The following BAALC variants were observed in gnomAD, a reference collection of about 807,000 sequenced individuals.
BAALC encodes the protein brain and acute leukemia cytoplasmic protein.
A neutral mutation model predicts 15.5 loss-of-function variants in BAALC; 9 were observed. The observed-to-expected ratio is 0.58, with a 90% CI of 0.35 to 1.02. BAALC has a LOEUF of 1.02. Among genes scored for constraint, BAALC ranks in the 50% least tolerant of loss-of-function variants. The probability of loss-of-function intolerance (pLI) is 0.02; values close to 1 mark genes in which losing one functional copy is unlikely to be tolerated. For missense variants in BAALC, 201 were observed against 192.4 expected, an observed-to-expected ratio of 1.04 and a Z score of -0.27; for synonymous variants, 80 against 74.6, an observed-to-expected ratio of 1.07 and a Z score of -0.37.
At chr8:103,178,125 A>G (rs1328942647) in intron 1 of BAALC, among the ~76,000 whole-genome samples, 2 of 152,256 alleles carry the variant, frequency 1.3e-5, no homozygotes, top group Admixed American at 1.3e-4. Context: ...ATATCAAAGT[A>G]TATTTCTCAA....
intron 1 of BAALC, chr8:103,202,771 G>A (rs202106676): frequency 6.6e-6 from 1 of 152,240 alleles, no homozygotes; most frequent in Non-Finnish European, 1.5e-5. Context: ...ACACCCCACA[G>A]TAATTAACAT....
intron 1 of BAALC, among the ~76,000 whole-genome samples, chr8:103,176,235 A>G (rs1427247669): frequency 2.6e-5 from 4 of 152,206 alleles, no homozygotes; most frequent in African/African-American, 9.7e-5. Context: ...TCACGCATAC[A>G]TGCACACACA....
intron 1 of BAALC, among the ~76,000 whole-genome samples, chr8:103,204,858 C>T (rs1812294691): frequency 6.6e-6 from 1 of 152,314 alleles, no homozygotes; most frequent in South Asian, 2.1e-4. Context: ...CTGTCCCATT[C>T]TAGTTCATTT....
chr8:103,186,647 A>C (rs1388374212), intron 1 of BAALC, among the ~76,000 whole-genome samples: 1 of 152,124 alleles, frequency 6.6e-6, no homozygotes, highest in Non-Finnish European at 1.5e-5. Flanking sequence ...TTTGCCCAGG[A>C]AACCCCTTCC....
At chr8:103,199,522 T>C (rs1410189873) in intron 1 of BAALC, among the ~76,000 whole-genome samples, 1 of 150,978 alleles carries the variant, frequency 6.6e-6, no homozygotes, top group Admixed American at 6.6e-5. Flanking sequence ...CAAGGGATAC[T>C]AGATAATTGA....
chr8:103,210,548 G>GCT (rs1193889539), intron 1 of BAALC, among the ~76,000 whole-genome samples: 1 of 152,224 alleles, frequency 6.6e-6, no homozygotes, highest in Non-Finnish European at 1.5e-5. Context: ...CTGCCCCATG[G>GCT]CAAATAATTT....
chr8:103,170,803 G>C (rs778491766), intron 1 of BAALC, among the ~76,000 whole-genome samples: 15 of 152,178 alleles, frequency 9.9e-5, no homozygotes, highest in Non-Finnish European at 2.1e-4. Context: ...AGTGTTCTTA[G>C]AAATGGGGGC....
At chr8:103,223,505 T>C (rs1176080471) in intron 2 of BAALC, among the ~76,000 whole-genome samples, 2 of 152,228 alleles carry the variant, frequency 1.3e-5, no homozygotes, top group Non-Finnish European at 2.9e-5. Flanking sequence ...TGCAGCTAAC[T>C]GGTAGCAAAG....
chr8:103,169,351 C>T (rs931494401), intron 1 of BAALC, among the ~76,000 whole-genome samples: 1 of 152,106 alleles, frequency 6.6e-6, no homozygotes, highest in Non-Finnish European at 1.5e-5. Context: ...TAGGTTTTCT[C>T]CCCTTATAGA....
chr8:103,183,166 C>A (rs892889768), intron 1 of BAALC, among the ~76,000 whole-genome samples: 5 of 152,112 alleles, frequency 3.3e-5, no homozygotes, highest in Non-Finnish European at 5.9e-5. Flanking sequence ...GCCAGGATTG[C>A]CATTTCAGCC....
chr8:103,147,992 G>C (rs1460712496), intron 1 of BAALC, among the ~76,000 whole-genome samples: 2 of 152,216 alleles, frequency 1.3e-5, no homozygotes, highest in Non-Finnish European at 2.9e-5. Flanking sequence ...TCTCTCTTGA[G>C]AATGTTGTTC....
chr8:103,222,036 TG>T, intron 2 of BAALC, among the ~76,000 whole-genome samples: 1 of 152,058 alleles, frequency 6.6e-6, no homozygotes. Context: ...AGGTGGCGGG[TG>T]GGGGGCTTCC....
intron 1 of BAALC, among the ~76,000 whole-genome samples, chr8:103,146,136 C>G (rs1235475042): frequency 2.6e-5 from 4 of 152,138 alleles, no homozygotes. Context: ...TGTCCATGGT[C>G]CATACTAGAA....
At chr8:103,173,677 A>C (rs1418864041) in intron 1 of BAALC, among the ~76,000 whole-genome samples, 1 of 152,228 alleles carries the variant, frequency 6.6e-6, no homozygotes, top group Non-Finnish European at 1.5e-5. Flanking sequence ...TATGAAATTC[A>C]TGCCAAAACC....
chr8:103,213,515 GA>G (rs1240860121), intron 2 of BAALC: 1 of 157,038 alleles, frequency 6.4e-6, no homozygotes, highest in Non-Finnish European at 1.4e-5. Flanking sequence ...CAACCAGGTG[GA>G]CATTGGAAGG....
intron 1 of BAALC, among the ~76,000 whole-genome samples, chr8:103,145,934 C>T (rs958304298): frequency 6.6e-6 from 1 of 152,060 alleles, no homozygotes; most frequent in Non-Finnish European, 1.5e-5. Context: ...AATTTGCTGA[C>T]CTTGATTCAT....
At position 103,158,786 on chromosome 8, in the gene BAALC, C is replaced by T. The variant is rs187688858; in HGVS notation, c.160+17729C>T. Reference sequence around the variant, plus strand: ...ACTCAGAATGGCACACAATTTAAAACTTAAGAATTGTTTATTTCTGGAATT... The same window carrying T: ...ACTCAGAATGGCACACAATTTAAAATTTAAGAATTGTTTATTTCTGGAATT... On this transcript the variant is annotated intron_variant, in intron 1 of 2. Coordinates refer to ENST00000309982, the MANE Select transcript of BAALC (RefSeq NM_024812.3). 4.4e-3 allele frequency among the ~76,000 whole-genome samples: 664 copies of T among 152,168 alleles called. 6 individuals carry two copies. The highest frequency in any genetic ancestry group is 0.011 in the African/African-American group (472 of 41,520).
intron 1 of BAALC, among the ~76,000 whole-genome samples, chr8:103,209,315 T>G (rs1345557692): frequency 6.6e-6 from 1 of 151,832 alleles, no homozygotes; most frequent in Non-Finnish European, 1.5e-5. Context: ...GAGGCTGCAG[T>G]GAGTTGAGAT....
At chr8:103,151,096 C>A (rs1222657416) in intron 1 of BAALC, among the ~76,000 whole-genome samples, 2 of 151,408 alleles carry the variant, frequency 1.3e-5, no homozygotes, top group Non-Finnish European at 2.9e-5. Flanking sequence ...TAGCTCACTG[C>A]AACCTCTGCC....
Sources: allele counts gnomAD v4.1 joint callset (sites outside exome capture counted in the v4.1 genomes callset), GRCh38; gene constraint gnomAD v4.1.1; transcripts MANE v1.5; gene names NCBI Gene and HGNC (gene_info 2026-07-23, HGNC 2026-07-21).